The following IQGAP2 variants were observed in gnomAD, a reference collection of about 807,000 sequenced individuals.
The protein encoded by IQGAP2 is ras GTPase-activating-like protein IQGAP2.
Under a neutral mutation model 201.3 loss-of-function variants are expected in IQGAP2, and 173 were observed. That is an observed-to-expected ratio of 0.86 (90% CI 0.76 to 0.98). The LOEUF is 0.98. Among genes scored for constraint, IQGAP2 ranks in the 50% least tolerant of loss-of-function variants. IQGAP2 has a pLI of 0.00. For missense variants in IQGAP2, 1,687 were observed against 1,864.8 expected (o/e 0.90, Z 1.76); for synonymous variants, 675 against 673.9 (o/e 1.00, Z -0.03).
chr5:76,562,042 T>G lies in IQGAP2; in HGVS notation c.147-354T>G, dbSNP rs74917164. On this transcript the variant is annotated intron_variant, in intron 2 of 35. Coordinates refer to ENST00000274364, the MANE Select transcript of IQGAP2 (RefSeq NM_006633.5). Reference sequence around the variant, plus strand: ...TGCCTCTGCCAAGGGCTCCTAAACTTGGAATTATTTTTTCTTTAATGTCAG... The same window carrying G: ...TGCCTCTGCCAAGGGCTCCTAAACTGGGAATTATTTTTTCTTTAATGTCAG... Among the ~76,000 whole-genome samples, 1,081 of 152,262 alleles carry G rather than the reference T, an allele frequency of 7.1e-3. 16 individuals are homozygous for G. The highest frequency in any genetic ancestry group is 0.024 in the African/African-American group (1,018 of 41,552).
intron 22 of IQGAP2, among the ~76,000 whole-genome samples, chr5:76,668,014 G>A (rs1372704120): frequency 6.6e-6 from 1 of 151,490 alleles, no homozygotes; most frequent in Non-Finnish European, 1.5e-5. Context: ...TGAGTAGCAG[G>A]GACTGCATGC....
At chr5:76,491,680 T>G (rs1258468699) in intron 2 of IQGAP2, among the ~76,000 whole-genome samples, 1 of 152,198 alleles carries the variant, frequency 6.6e-6, no homozygotes, top group Non-Finnish European at 1.5e-5. Flanking sequence ...TAGCCTCTGA[T>G]AGCCGTCAGC....
Position 76,668,677 on chromosome 5 carries a change from C to G in IQGAP2, c.2680-4C>G, listed in dbSNP as rs1483488745. The G allele has an allele frequency of 6.2e-7, 1 of 1,601,804 alleles. No individual in the cohort carries two copies. Among genetic ancestry groups the G allele is most frequent in the Non-Finnish European group, 8.5e-7 (1 of 1,176,288 alleles). On this transcript the variant is annotated splice_region_variant and splice_polypyrimidine_tract_variant and intron_variant, in intron 22 of 35. Coordinates refer to ENST00000274364, the MANE Select transcript of IQGAP2 (RefSeq NM_006633.5). ...TTGTTTTCTTTTTCCTTCTTTCCTT[C>G]TAGACCAACCCTTTATACTTGGCTA... is the stretch of plus-strand genomic sequence containing the variant.
chr5:76,558,876 G>T (rs1385697628), intron 2 of IQGAP2, among the ~76,000 whole-genome samples: 1 of 152,084 alleles, frequency 6.6e-6, no homozygotes, highest in Non-Finnish European at 1.5e-5. Context: ...GCCTCTCCCT[G>T]GCTGGTAATC....
At chr5:76,532,746 G>A (rs112605330) in intron 2 of IQGAP2, among the ~76,000 whole-genome samples, 1,642 of 152,210 alleles carry the variant, frequency 0.011, 17 homozygotes, top group South Asian at 0.036. Flanking sequence ...CGTTCTTGTC[G>A]GAGGACCACT....
chr5:76,600,102 C>T (rs1260618825), intron 10 of IQGAP2, among the ~76,000 whole-genome samples: 6 of 151,984 alleles, frequency 3.9e-5, no homozygotes, highest in Non-Finnish European at 8.8e-5. Context: ...GAGCCTAGAT[C>T]GTGCCATTGC....
At chr5:76,652,306 T>A (rs35654867) in intron 17 of IQGAP2, among the ~76,000 whole-genome samples, 1 of 152,210 alleles carries the variant, frequency 6.6e-6, no homozygotes, top group Non-Finnish European at 1.5e-5. Flanking sequence ...GCATCCTCCT[T>A]TCCAGTCGGG....
At position 76,589,657 on chromosome 5, in the gene IQGAP2, G is replaced by C; in HGVS notation, c.569G>C (p.Gly190Ala). 1 of 1,608,476 alleles carries C rather than the reference G, an allele frequency of 6.2e-7. No homozygotes were observed. The highest frequency in any genetic ancestry group is 8.5e-7 in the Non-Finnish European group (1 of 1,177,096). The change falls in exon 7 of 36, where the codon GGA becomes GCA. Residue 190 changes from glycine to alanine, a missense_variant. Physicochemically the swap from Gly to Ala is moderately conservative, Grantham distance 60. Transcript: ENST00000274364. ...ATGAGAAAAGAACTTGAGAAATATG[G>C]AATACAGATGCCATCTTTCAGCAAA... The part of the protein sequence containing the change: ...SNMRKELEKY[G>A]IQMPSFSKIG...
intron 35 of IQGAP2, among the ~76,000 whole-genome samples, chr5:76,706,105 C>T (rs1747868005): frequency 6.6e-6 from 1 of 152,190 alleles, no homozygotes; most frequent in Non-Finnish European, 1.5e-5. Context: ...AAACTTTGGT[C>T]ACTTCATCAG....
At chr5:76,666,185 A>G (rs1197570759) in intron 22 of IQGAP2, among the ~76,000 whole-genome samples, 3 of 152,260 alleles carry the variant, frequency 2.0e-5, no homozygotes, top group Non-Finnish European at 2.9e-5. Context: ...ACATACGAAC[A>G]TCTTCACACA....
intron 2 of IQGAP2, among the ~76,000 whole-genome samples, chr5:76,502,626 A>AT (rs1318570616): frequency 5.9e-5 from 9 of 152,222 alleles, no homozygotes; most frequent in Non-Finnish European, 1.3e-4. Context: ...ATTAAAATAG[A>AT]TTTTTTTAAA....
At chr5:76,485,459 C>T (rs2150149383) in intron 2 of IQGAP2, among the ~76,000 whole-genome samples, 1 of 152,252 alleles carries the variant, frequency 6.6e-6, no homozygotes, top group African/African-American at 2.4e-5. Context: ...AGTAAACAAA[C>T]CTTTTTTCCC....
rs1580598847 is a variant in IQGAP2, at chr5:76,611,127, G to C, written c.1465G>C (p.Ala489Pro). ...TGCGAATATTAGTGATGTGGACCCA[G>C]CCCATGCCCAGCACTACCAGGATGT... Reference protein sequence around the residue: ...PTANISDVDPAHAQHYQDVLY... With the variant: ...PTANISDVDPPHAQHYQDVLY... The change falls in exon 13 of 36, where the codon GCC becomes CCC. Residue 489 changes from alanine (A) to proline (P), a missense_variant. Transcript: ENST00000274364. The C allele has an allele frequency of 6.2e-7, 1 of 1,613,992 alleles. No homozygotes were observed. Among genetic ancestry groups the C allele is most frequent in the Non-Finnish European group, 8.5e-7 (1 of 1,179,916 alleles).
chr5:76,516,655 C>T (rs970393941), intron 2 of IQGAP2, among the ~76,000 whole-genome samples: 5 of 152,088 alleles, frequency 3.3e-5, no homozygotes, highest in African/African-American at 1.2e-4. Flanking sequence ...ATGATGGAAA[C>T]TTGTCTAAAG....
At chr5:76,662,527 T>C (rs1743347646) in intron 21 of IQGAP2, among the ~76,000 whole-genome samples, 1 of 152,134 alleles carries the variant, frequency 6.6e-6, no homozygotes, top group Non-Finnish European at 1.5e-5. Context: ...AGGGGGGAAT[T>C]ATAGGTAACA....
chr5:76,698,300 T>C (rs1746943586), intron 33 of IQGAP2, among the ~76,000 whole-genome samples, 153 bp downstream of exon 33: 1 of 152,222 alleles, frequency 6.6e-6, no homozygotes, highest in African/African-American at 2.4e-5. Flanking sequence ...TATTTGCCAC[T>C]GTGAACTAAG....
At chr5:76,703,847 A>G (rs773015835) in intron 35 of IQGAP2, among the ~76,000 whole-genome samples, 2 of 152,194 alleles carry the variant, frequency 1.3e-5, no homozygotes, top group Non-Finnish European at 2.9e-5. Flanking sequence ...ATATGTTTAC[A>G]TGAATCATCT....
chr5:76,434,826 C>T (rs186200887), intron 1 of IQGAP2, among the ~76,000 whole-genome samples: 1 of 152,160 alleles, frequency 6.6e-6, no homozygotes, highest in African/African-American at 2.4e-5. Flanking sequence ...TCACCAGCAG[C>T]GTATAAGCAT....
At chr5:76,429,860 GACACACACACACAC>G (rs56031811) in intron 1 of IQGAP2, among the ~76,000 whole-genome samples, 67 of 144,630 alleles carry the variant, frequency 4.6e-4, no homozygotes, top group Middle Eastern at 3.5e-3. Flanking sequence ...AGGAGACACA[GACACACACACACAC>G]ACACACACAC....
Sources: gnomAD v4.1 joint callset for allele counts (sites outside exome capture counted in the v4.1 genomes callset) on GRCh38, gnomAD v4.1.1 for gene constraint, MANE v1.5 for transcripts, NCBI Gene and HGNC (gene_info 2026-07-23, HGNC 2026-07-21) for gene names.